The following APC variants were observed in gnomAD, a reference collection of about 807,000 sequenced individuals.
The protein encoded by APC is APC regulator of Wnt signaling pathway, also known as adenomatous polyposis coli protein.
APC carries 72 observed loss-of-function variants against 247.0 expected under a neutral mutation model. That is an observed-to-expected ratio of 0.29 (90% confidence interval 0.24 to 0.35). The LOEUF (loss-of-function observed/expected upper bound fraction) is 0.35. APC is among the 10% of genes least tolerant of loss of function. The probability of loss-of-function intolerance (pLI) is 1.00; values close to 1 mark genes in which losing one functional copy is unlikely to be tolerated. For missense variants in APC, 3,400 were observed against 3,360.7 expected (o/e 1.01, Z -0.29); for synonymous variants, 1,254 against 1,162.5 (o/e 1.08, Z -1.60).
At chr5:112,813,549 C>T (rs1762188394) in intron 8 of APC, among the ~76,000 whole-genome samples, 1 of 152,068 alleles carries the variant, frequency 6.6e-6, no homozygotes, top group South Asian at 2.1e-4. Flanking sequence ...TAACAGTTTT[C>T]TATGTTGTCT....
At chr5:112,758,723 C>T (rs1168073704) in intron 2 of APC, among the ~76,000 whole-genome samples, 1 of 151,994 alleles carries the variant, frequency 6.6e-6, no homozygotes, top group African/African-American at 2.4e-5. Flanking sequence ...ACCTCCTGGG[C>T]TCCCAGAGTA....
intron 4 of APC, among the ~76,000 whole-genome samples, chr5:112,769,050 C>CTTTTTTTTT (rs11379766): frequency 4.1e-5 from 4 of 96,808 alleles, no homozygotes; most frequent in Non-Finnish European, 5.8e-5. Context: ...TTTTTTTCTT[C>CTTTTTTTTT]TTTTTTTTTT....
In APC at chr5:112,801,326, G is replaced by A. The variant is rs147704593; in HGVS notation, c.777G>A (p.Arg259=). The change falls in exon 8 of 16, where the codon CGG becomes CGA. Residue 259 remains arginine, a synonymous_variant. Coordinates refer to ENST00000257430, the MANE Select transcript of APC (RefSeq NM_000038.6). The part of the protein sequence containing the change: ...KHETGSHDAE[R]QNEGQGVGEI... ...AAACCGGCTCACATGATGCTGAGCG[G>A]CAGAATGAAGGTCAAGGAGTGGGAG... The A allele has an allele frequency of 4.3e-6, 7 of 1,612,846 alleles. No individual in the cohort carries two copies. In the South Asian group the frequency reaches 6.6e-5, roughly 15 times the overall value.
In APC at chr5:112,707,610, C is replaced by T. The variant is rs561513597; in HGVS notation, c.-108C>T. 6 of 1,232,716 alleles carry T rather than the reference C, an allele frequency of 4.9e-6. No individual in the cohort carries two copies. The highest frequency in any genetic ancestry group is 6.5e-6 in the Non-Finnish European group (6 of 920,542). 76.4% of individuals were successfully genotyped at this position (1,232,716 alleles called of 1,614,324 possible). ...CGGGGGGGACCTGCGGGCTCAGGCC[C>T]GGGAGCTGCGGACCGAGGTTGGCTC... is the stretch of plus-strand genomic sequence containing the variant. On this transcript the variant is annotated 5_prime_UTR_variant, in exon 1 of 14. Coordinates refer to the APC transcript ENST00000507379.
chr5:112,752,645 G>A (rs1284478744), intron 1 of APC, among the ~76,000 whole-genome samples: 1 of 152,118 alleles, frequency 6.6e-6, no homozygotes, highest in Non-Finnish European at 1.5e-5. Context: ...GATATATTTG[G>A]TATGCAATTC....
At chr5:112,730,584 G>A (rs1752051046) in intron 1 of APC, among the ~76,000 whole-genome samples, 1 of 152,194 alleles carries the variant, frequency 6.6e-6, no homozygotes, top group Non-Finnish European at 1.5e-5. Flanking sequence ...TGGTTTAGAA[G>A]CATATTTATC....
At chr5:112,739,019 G>A (rs1449607904) in intron 1 of APC, among the ~76,000 whole-genome samples, 1 of 152,080 alleles carries the variant, frequency 6.6e-6, no homozygotes, top group Non-Finnish European at 1.5e-5. Context: ...CAAAAATTAT[G>A]GTGAACAAAT....
intron 1 of APC, among the ~76,000 whole-genome samples, chr5:112,722,777 T>C (rs1751556174): frequency 6.6e-6 from 1 of 152,136 alleles, no homozygotes; most frequent in Admixed American, 6.5e-5. Flanking sequence ...GGCGCGGAGC[T>C]TCCATGCCTT....
At chr5:112,800,194 T>TA (rs142526611) in intron 7 of APC, among the ~76,000 whole-genome samples, 2,162 of 152,358 alleles carry the variant, frequency 0.014, 65 homozygotes, top group African/African-American at 0.05. Context: ...TAATTTTCTT[T>TA]AAATATGTTG....
intron 11 of APC, among the ~76,000 whole-genome samples, chr5:112,824,839 A>G (rs532741888): frequency 3.9e-5 from 6 of 152,228 alleles, no homozygotes; most frequent in East Asian, 3.9e-4. Context: ...TCTTTTACCC[A>G]AGTGTAAAAT....
intron 6 of APC, among the ~76,000 whole-genome samples, chr5:112,784,464 C>T (rs2149657038): frequency 1.3e-5 from 2 of 152,276 alleles, no homozygotes; most frequent in East Asian, 3.9e-4. Context: ...TGCTCTATGA[C>T]CGTGTGTTTC....
Position 112,822,041 on chromosome 5 carries a change from T to A in APC, c.1408+50T>A, listed in dbSNP as rs773914353. ...ACATAGACAATTACTGGTGGATTTTTAAATCATGGTAGAAATTCAGTATAG... is the reference window on the plus strand; with the variant it reads ...ACATAGACAATTACTGGTGGATTTTAAAATCATGGTAGAAATTCAGTATAG... On this transcript the variant is annotated intron_variant, in intron 11 of 15. Transcript: ENST00000257430. 2.7e-5 allele frequency: 33 copies of A among 1,200,396 alleles called. No homozygotes were observed. Among genetic ancestry groups the A allele is most frequent in the Non-Finnish European group, 3.9e-5 (32 of 816,240 alleles). 74.4% of individuals were successfully genotyped at this position (1,200,396 alleles called of 1,614,324 possible).
intron 2 of APC, among the ~76,000 whole-genome samples, chr5:112,763,899 C>T (rs558601801): frequency 2.6e-5 from 4 of 152,232 alleles, no homozygotes; most frequent in South Asian, 2.1e-4. Context: ...TCCATGCTGA[C>T]GCTTGAGAAC....
Position 112,745,976 on chromosome 5 carries a change from TTTTG to T in APC, c.-19+8059_-19+8062del, listed in dbSNP as rs1457260916. Among the ~76,000 whole-genome samples the T allele has an allele frequency of 5.9e-5, 9 of 152,342 alleles. 1 individual carries two copies. In the South Asian group the frequency reaches 6.2e-4, roughly 11 times the overall value. ...AGTAGTGGAAAGTATGTGTTGATGT[TTTTG>T]TTTGTTTTGGTAAACACCAATAAAA... On this transcript the variant is annotated intron_variant, in intron 1 of 15. Coordinates refer to ENST00000257430, the MANE Select transcript of APC (RefSeq NM_000038.6).
At chr5:112,817,286 T>C (rs1762609792) in intron 9 of APC, among the ~76,000 whole-genome samples, 1 of 152,246 alleles carries the variant, frequency 6.6e-6, no homozygotes, top group Non-Finnish European at 1.5e-5. Context: ...GTATACTCTT[T>C]CTTTACTGTA....
At position 112,843,151 on chromosome 5, in the gene APC, T is replaced by C. The variant is rs864622391; in HGVS notation, c.7557T>C (p.Asp2519=). Reference sequence around the variant, plus strand: ...TCAGTCCCACTATAGAGTATAATGATGGAAGACCAGCAAAGCGCCATGATA... The same window carrying C: ...TCAGTCCCACTATAGAGTATAATGACGGAAGACCAGCAAAGCGCCATGATA... ...PNLSPTIEYN[D]GRPAKRHDIA... The change falls in exon 16 of 16, where the codon GAT becomes GAC. Residue 2519 remains aspartate (D), a synonymous_variant. Transcript: ENST00000257430. This position sits in a 1 kb window ranked among gnomAD's most constrained non-coding sequence, Gnocchi z 4.8. 1.9e-6 allele frequency: 3 copies of C among 1,613,884 alleles called. No individual in the cohort carries two copies. The highest frequency in any genetic ancestry group is 1.7e-6 in the Non-Finnish European group (2 of 1,179,792).
chr5:112,792,075 A>G (rs545364319), intron 6 of APC, among the ~76,000 whole-genome samples: 1 of 152,104 alleles, frequency 6.6e-6, no homozygotes, highest in Non-Finnish European at 1.5e-5. Flanking sequence ...GTGAAACCCC[A>G]TCGCTACTAA....
At chr5:112,749,629 A>G (rs1754086406) in intron 1 of APC, among the ~76,000 whole-genome samples, 1 of 151,966 alleles carries the variant, frequency 6.6e-6, no homozygotes, top group Non-Finnish European at 1.5e-5. Flanking sequence ...CTGGGACTAC[A>G]GGCACATGCC....
intron 11 of APC, among the ~76,000 whole-genome samples, chr5:112,825,357 G>A (rs1055967464): frequency 1.3e-5 from 2 of 152,162 alleles, no homozygotes; most frequent in Non-Finnish European, 2.9e-5. Context: ...TTTAGAGTGT[G>A]CATCTAATTA....
Sources: allele counts gnomAD v4.1 joint callset (sites outside exome capture counted in the v4.1 genomes callset), GRCh38; gene constraint gnomAD v4.1.1; non-coding constraint Gnocchi (gnomAD v3.1); transcripts MANE v1.5; gene names NCBI Gene and HGNC (gene_info 2026-07-23, HGNC 2026-07-21).